Variants in ARHGAP32 observed in about 807,000 individuals in gnomAD.
The protein encoded by ARHGAP32 is rho GTPase-activating protein 32.
In ARHGAP32, 51 loss-of-function variants were observed where a neutral mutation model predicts 186.5. The ratio of observed to expected loss-of-function variants is 0.27; its 90% confidence interval spans 0.22 to 0.35. ARHGAP32 has a LOEUF of 0.35. Among genes scored for constraint, ARHGAP32 ranks in the 10% least tolerant of loss-of-function variants. The pLI is 1.00. For synonymous variants in ARHGAP32, 950 were observed against 964.3 expected, an observed-to-expected ratio of 0.99 and a Z score of 0.27; for missense variants, 2,186 against 2,623.5, an observed-to-expected ratio of 0.83 and a Z score of 3.64.
chr11:129,232,359 C>T (rs1034238421), intron 1 of ARHGAP32, among the ~76,000 whole-genome samples: 5 of 152,140 alleles, frequency 3.3e-5, no homozygotes, highest in African/African-American at 1.2e-4. Flanking sequence ...CATCTAGCCC[C>T]ACTTTTCATG....
Position 129,123,458 on chromosome 11 carries a change from G to A in ARHGAP32, c.432C>T (p.Phe144=), listed in dbSNP as rs367737224. 22 of 1,612,320 alleles carry A rather than the reference G, an allele frequency of 1.4e-5. No homozygotes were observed. Among genetic ancestry groups the A allele is most frequent in the East Asian group, 4.5e-5 (2 of 44,854 alleles). ...CAHFHYENVE[F]GSIQLSLSEE... is the part of the protein sequence containing the mutation. ...TATTTCAGTATACCTGTATGCTGCCGAACTCAACATTCTCATAATGGAAAT... is the reference window on the plus strand; with the variant it reads ...TATTTCAGTATACCTGTATGCTGCCAAACTCAACATTCTCATAATGGAAAT... The change falls in exon 5 of 23, where the codon TTC becomes TTT. Residue 144 remains phenylalanine (F), a synonymous_variant. Coordinates refer to ENST00000682385, the MANE Select transcript of ARHGAP32 (RefSeq NM_001378024.1). The surrounding 1 kb of genome is among the most constrained non-coding windows in gnomAD (Gnocchi z 4.6).
At chr11:129,042,397 A>G (rs1166878921) in intron 10 of ARHGAP32, among the ~76,000 whole-genome samples, 1 of 152,196 alleles carries the variant, frequency 6.6e-6, no homozygotes, top group Non-Finnish European at 1.5e-5. Context: ...TGGGATTCCT[A>G]TGCACTGCCT....
chr11:129,013,694 A>G (rs1938199798), intron 11 of ARHGAP32, among the ~76,000 whole-genome samples: 1 of 152,214 alleles, frequency 6.6e-6, no homozygotes, highest in Non-Finnish European at 1.5e-5. Flanking sequence ...TTCCAAATAT[A>G]AATCTCTTAA....
intron 6 of ARHGAP32, among the ~76,000 whole-genome samples, chr11:129,091,523 T>A (rs1389447475): frequency 1.3e-5 from 2 of 152,078 alleles, no homozygotes; most frequent in African/African-American, 4.8e-5. Context: ...GCTAACAGAA[T>A]AAGAGAAGAA....
chr11:129,131,921 C>T (rs1942819535), intron 2 of ARHGAP32, among the ~76,000 whole-genome samples: 4 of 152,170 alleles, frequency 2.6e-5, no homozygotes, highest in Admixed American at 2.6e-4. Context: ...TAGTGCAAGA[C>T]AAGACTTTTT....
At chr11:129,035,190 C>T (rs1237794965) in intron 11 of ARHGAP32, among the ~76,000 whole-genome samples, 2 of 151,992 alleles carry the variant, frequency 1.3e-5, no homozygotes, top group African/African-American at 4.8e-5. Flanking sequence ...CTCTCTCTCT[C>T]TCTCTATCAA....
intron 2 of ARHGAP32, among the ~76,000 whole-genome samples, chr11:129,132,478 G>GAA (rs552013734): frequency 3.7e-5 from 5 of 136,812 alleles, no homozygotes; most frequent in African/African-American, 1.1e-4. Flanking sequence ...ATCAGGGGGA[G>GAA]AAAAAAAAAA....
chr11:128,974,007 A>G, intron 21 of ARHGAP32, 117 bp downstream of exon 21: 1 of 1,273,980 alleles, frequency 7.8e-7, no homozygotes, highest in Non-Finnish European at 1.1e-6. Context: ...CCAGAAAAGC[A>G]TTCTCTTTGA....
At chr11:129,219,103 G>T (rs1444064169) in intron 1 of ARHGAP32, among the ~76,000 whole-genome samples, 1 of 152,150 alleles carries the variant, frequency 6.6e-6, no homozygotes, top group Non-Finnish European at 1.5e-5. Flanking sequence ...ATGAGGTGCT[G>T]CATTCAATTA....
intron 11 of ARHGAP32, among the ~76,000 whole-genome samples, chr11:128,999,147 G>A (rs753020156): frequency 1.3e-5 from 2 of 152,194 alleles, no homozygotes; most frequent in Non-Finnish European, 2.9e-5. Flanking sequence ...AAATATCGCT[G>A]AATTCTTTTT....
intron 10 of ARHGAP32, among the ~76,000 whole-genome samples, chr11:129,058,938 G>GT (rs1483547628): frequency 6.6e-6 from 1 of 152,186 alleles, no homozygotes; most frequent in East Asian, 1.9e-4. Flanking sequence ...AGTCTGAAGA[G>GT]TTTTTCTCCA....
At chr11:129,257,408 C>T (rs1945267745) in intron 1 of ARHGAP32, among the ~76,000 whole-genome samples, 1 of 151,888 alleles carries the variant, frequency 6.6e-6, no homozygotes, top group Admixed American at 6.6e-5. Context: ...GCACAGTCAC[C>T]ATTTCTTCAG....
At chr11:129,226,140 G>A (rs1387958540) in intron 1 of ARHGAP32, among the ~76,000 whole-genome samples, 1 of 152,144 alleles carries the variant, frequency 6.6e-6, no homozygotes, top group Non-Finnish European at 1.5e-5. Flanking sequence ...AAGGACCAAT[G>A]CCTAGAGAAC....
intron 1 of ARHGAP32, among the ~76,000 whole-genome samples, chr11:129,242,162 G>C (rs1003504968): frequency 1.2e-4 from 19 of 152,134 alleles, no homozygotes; most frequent in African/African-American, 4.3e-4. Context: ...CTTGGTTAGG[G>C]TGAGACAAGC....
chr11:129,055,528 C>A (rs1311935681), intron 10 of ARHGAP32, among the ~76,000 whole-genome samples: 1 of 152,162 alleles, frequency 6.6e-6, no homozygotes, highest in Non-Finnish European at 1.5e-5. Flanking sequence ...AACATGAAAG[C>A]AACCACAAGG....
chr11:129,136,919 T>C (rs569284661), intron 2 of ARHGAP32, among the ~76,000 whole-genome samples: 8 of 152,144 alleles, frequency 5.3e-5, no homozygotes, highest in African/African-American at 1.9e-4. Context: ...TTTCTTCTTA[T>C]ACTGACAAAA....
chr11:129,219,234 ATCAGGAAATAAATACAAATT>A (rs1281854790), intron 1 of ARHGAP32, among the ~76,000 whole-genome samples: 4 of 152,188 alleles, frequency 2.6e-5, no homozygotes, highest in Non-Finnish European at 4.4e-5. Flanking sequence ...CTTTTTTCCT[ATCAGGAAATAAATACAAATT>A]TCAGTTGCAA....
intron 6 of ARHGAP32, among the ~76,000 whole-genome samples, chr11:129,084,049 A>T (rs1461210933): frequency 1.3e-5 from 2 of 151,054 alleles, no homozygotes; most frequent in Non-Finnish European, 2.9e-5. Context: ...ATGCCTGTGA[A>T]TTTGTAACAC....
intron 11 of ARHGAP32, among the ~76,000 whole-genome samples, chr11:129,016,050 A>T (rs995592430): frequency 6.6e-6 from 1 of 152,166 alleles, no homozygotes; most frequent in Non-Finnish European, 1.5e-5. Context: ...TCATTCTTCA[A>T]ATCTTTGTTC....
Sources: gnomAD v4.1 joint callset for allele counts (sites outside exome capture counted in the v4.1 genomes callset) on GRCh38, gnomAD v4.1.1 for gene constraint, Gnocchi (gnomAD v3.1) non-coding constraint, MANE v1.5 for transcripts, NCBI Gene and HGNC (gene_info 2026-07-23, HGNC 2026-07-21) for gene names.